RYR3: variants seen among roughly 807,000 people sequenced by gnomAD.
RYR3 encodes ryanodine receptor 3.
Under a neutral mutation model 584.3 loss-of-function variants are expected in RYR3, and 207 were observed. The observed-to-expected ratio is 0.35, with a 90% CI of 0.32 to 0.40. The LOEUF (loss-of-function observed/expected upper bound fraction) is 0.40, where lower values mean the gene tolerates loss of function less well. Ranked by LOEUF, RYR3 falls within the 10% of genes least tolerant of loss-of-function variation. The pLI is 1.00. For synonymous variants in RYR3, 2,416 were observed against 2,248.5 expected, an observed-to-expected ratio of 1.07 and a Z score of -2.11; for missense variants, 5,616 against 6,089.2, an observed-to-expected ratio of 0.92 and a Z score of 2.59.
chr15:33,601,627 C>A, intron 17 of RYR3, 75 bp downstream of exon 17: 1 of 1,538,914 alleles, frequency 6.5e-7, no homozygotes. Flanking sequence ...AAAGAGGGCT[C>A]ATCTGAACTC....
rs1432896814 is a variant in RYR3, at chr15:33,634,590, T to G, written c.3032T>G (p.Leu1011Trp). Residue 1011 changes from leucine (L) to tryptophan (W), a missense_variant, in exon 25 of 104, where the codon TTG becomes TGG. Transcript: ENST00000634891. ...TTTTTCTCTGGCGTCACATAGGATT[T>G]GAAGAACAAAAGAAATCCCCGTCTG... is the stretch of plus-strand genomic sequence containing the variant. ...QGWTYGIQQD[L>W]KNKRNPRLVP... The G allele has an allele frequency of 1.9e-6, 3 of 1,613,922 alleles. No individual in the cohort carries two copies. The South Asian group carries it at 3.3e-5, about 18-fold the overall frequency.
chr15:33,337,558 A>G (rs986849255), intron 1 of RYR3, among the ~76,000 whole-genome samples: 9 of 86,162 alleles, frequency 1.0e-4, no homozygotes, highest in Non-Finnish European at 2.1e-4. Flanking sequence ...TTACAATCCA[A>G]GTGCCATTTT....
intron 3 of RYR3, among the ~76,000 whole-genome samples, chr15:33,516,724 C>T (rs1281885223): frequency 6.6e-6 from 1 of 152,044 alleles, no homozygotes; most frequent in Non-Finnish European, 1.5e-5. Flanking sequence ...CAGTGGGCTT[C>T]AGAGAAAGGG....
intron 48 of RYR3, among the ~76,000 whole-genome samples, chr15:33,734,259 T>TA (rs1240908744): frequency 6.6e-6 from 1 of 152,182 alleles, no homozygotes; most frequent in Non-Finnish European, 1.5e-5. Context: ...TTAAGCTAAT[T>TA]AGAATATTTT....
chr15:33,739,939 A>G lies in RYR3; in HGVS notation c.7764A>G (p.Lys2588=), dbSNP rs2069908942. Residue 2588 remains lysine (K), a synonymous_variant, in exon 51 of 104, where the codon AAA becomes AAG. Coordinates refer to ENST00000634891, the MANE Select transcript of RYR3 (RefSeq NM_001036.6). ...LDTRITATLE[K]QISVDADGNF... ...CCAGAATCACAGCCACGTTGGAGAA[A>G]CAGATCTCAGTGGATGCGGATGGCA... 1.2e-6 allele frequency: 2 copies of G among 1,613,904 alleles called. No individual in the cohort carries two copies. The highest frequency in any genetic ancestry group is 1.7e-6 in the Non-Finnish European group (2 of 1,179,844).
At chr15:33,495,491 A>T (rs1218765178) in intron 2 of RYR3, among the ~76,000 whole-genome samples, 1 of 152,234 alleles carries the variant, frequency 6.6e-6, no homozygotes, top group South Asian at 2.1e-4. Context: ...TAAGGGATAG[A>T]TGACATAGTA....
At chr15:33,495,842 A>G (rs1165329218) in intron 2 of RYR3, among the ~76,000 whole-genome samples, 1 of 152,246 alleles carries the variant, frequency 6.6e-6, no homozygotes, top group African/African-American at 2.4e-5. Flanking sequence ...GATGAGGTAT[A>G]GATATTAATG....
intron 1 of RYR3, among the ~76,000 whole-genome samples, chr15:33,388,837 G>A (rs902669540): frequency 6.6e-6 from 1 of 152,036 alleles, no homozygotes; most frequent in African/African-American, 2.4e-5. Flanking sequence ...AGTGAAGCTG[G>A]GGAGGAAACC....
chr15:33,528,865 ATTC>A (rs1279346082), intron 3 of RYR3, among the ~76,000 whole-genome samples: 1 of 152,150 alleles, frequency 6.6e-6, no homozygotes, highest in South Asian at 2.1e-4. Context: ...GTGACTCTTA[ATTC>A]TTCTTATGAT....
At chr15:33,839,079 G>C (rs73372076) in intron 89 of RYR3, 121 bp downstream of exon 89, 63,570 of 1,238,956 alleles carry the variant, frequency 0.051, 3,490 homozygotes, top group African/African-American at 0.26. Flanking sequence ...GACAGTGGCT[G>C]TGGTGTGATT....
At chr15:33,780,102 T>C (rs1034573264) in intron 64 of RYR3, 109 bp from the exon 65 acceptor site, 1 of 1,323,236 alleles carries the variant, frequency 7.6e-7, no homozygotes, top group African/African-American at 1.5e-5. Flanking sequence ...TTGCTGAGCC[T>C]AGTGCCTAGG....
At chr15:33,753,425 T>C (rs942700902) in intron 57 of RYR3, among the ~76,000 whole-genome samples, 2 of 152,164 alleles carry the variant, frequency 1.3e-5, no homozygotes, top group African/African-American at 4.8e-5. Flanking sequence ...ATGTTTTATA[T>C]AGGATGGCAT....
At chr15:33,698,524 G>C (rs1481856651) in intron 40 of RYR3, among the ~76,000 whole-genome samples, 2 of 152,204 alleles carry the variant, frequency 1.3e-5, no homozygotes, top group Non-Finnish European at 2.9e-5. Context: ...GGACACAACT[G>C]GACATTTATC....
Position 33,516,367 on chromosome 15 carries a change from G to A in RYR3, c.279+12629G>A, listed in dbSNP as rs192317062. Among the ~76,000 whole-genome samples, 320 of 149,946 alleles carry A rather than the reference G, an allele frequency of 2.1e-3. 3 individuals are homozygous for A. Among genetic ancestry groups the A allele is most frequent in the African/African-American group, 7.6e-3 (310 of 40,798 alleles). Reference sequence around the variant, plus strand: ...TTTTTTTTTTTTTTCCTCCTGAGACGGAATCTCACTCCGTCACCCTGGCTA... The same window carrying A: ...TTTTTTTTTTTTTTCCTCCTGAGACAGAATCTCACTCCGTCACCCTGGCTA... On this transcript the variant is annotated intron_variant, in intron 3 of 103. Transcript: ENST00000634891.
intron 18 of RYR3, among the ~76,000 whole-genome samples, chr15:33,606,175 G>A (rs929643625): frequency 6.6e-6 from 1 of 151,810 alleles, no homozygotes; most frequent in African/African-American, 2.4e-5. Flanking sequence ...TTTTTATATT[G>A]GACAAATTAA....
rs2066748424 is a variant in RYR3, at chr15:33,706,799, C to T, written c.6484-120C>T. 4.7e-6 allele frequency: 4 copies of T among 845,170 alleles called. No individual in the cohort carries two copies. The East Asian group carries it at 1.1e-4, about 23-fold the overall frequency. 52.4% of individuals were successfully genotyped at this position (845,170 alleles called of 1,614,324 possible). ...CTGTACCATTTTACATTCTCACCAG[C>T]AATGCACAAGAGTTCCAACTTCTCT... On this transcript the variant is annotated intron_variant, in intron 42 of 103. Transcript: ENST00000634891.
At chr15:33,641,337 A>G (rs1326999834) in intron 27 of RYR3, among the ~76,000 whole-genome samples, 1 of 152,138 alleles carries the variant, frequency 6.6e-6, no homozygotes, top group African/African-American at 2.4e-5. Flanking sequence ...TCATCTGTAA[A>G]ATTGGCATAA....
At chr15:33,683,363 C>T (rs748087323) in intron 38 of RYR3, among the ~76,000 whole-genome samples, 1 of 152,022 alleles carries the variant, frequency 6.6e-6, no homozygotes, top group Non-Finnish European at 1.5e-5. Flanking sequence ...TAAAGATGAA[C>T]TCAGTAAAGC....
chr15:33,821,708 G>A, intron 80 of RYR3, 106 bp downstream of exon 80: 1 of 1,033,178 alleles, frequency 9.7e-7, no homozygotes, highest in Admixed American at 1.9e-5. Context: ...GAGCCACCCA[G>A]AATCACTTAG....
Sources: allele counts gnomAD v4.1 joint callset (sites outside exome capture counted in the v4.1 genomes callset), GRCh38; gene constraint gnomAD v4.1.1; transcripts MANE v1.5; gene names NCBI Gene and HGNC (gene_info 2026-07-23, HGNC 2026-07-21).